ANTXR1: variants seen among roughly 807,000 people sequenced by gnomAD.
The protein encoded by ANTXR1 is anthrax toxin receptor 1.
Under a neutral mutation model 78.1 loss-of-function variants are expected in ANTXR1, and 19 were observed. That is an observed-to-expected ratio of 0.24 (90% CI 0.17 to 0.36). The LOEUF is 0.36. Among genes scored for constraint, ANTXR1 ranks in the 10% least tolerant of loss-of-function variants. The pLI, the probability that ANTXR1 is intolerant of heterozygous loss-of-function variation, is 1.00. For missense variants in ANTXR1, 518 were observed against 718.6 expected (o/e 0.72, Z 3.19); for synonymous variants, 273 against 260.5 (o/e 1.05, Z -0.46).
Position 69,245,687 on chromosome 2 carries a change from C to A in ANTXR1, c.*202C>A. ...AATTGCCAGAAAACAAATGATGAGG[C>A]AACTACAGTCAGATTTATAGCCAGC... On this transcript the variant is annotated 3_prime_UTR_variant, in exon 18 of 18. Coordinates refer to ENST00000303714, the MANE Select transcript of ANTXR1 (RefSeq NM_032208.3). 1.5e-6 allele frequency: 1 copy of A among 674,614 alleles called. No individual in the cohort carries two copies. Among genetic ancestry groups the A allele is most frequent in the Non-Finnish European group, 2.5e-6 (1 of 406,232 alleles). 41.8% of individuals were successfully genotyped at this position (674,614 alleles called of 1,614,324 possible).
Position 69,077,222 on chromosome 2 carries a change from A to G in ANTXR1, c.562-186A>G, listed in dbSNP as rs1670760071. 12 of 636,840 alleles carry G rather than the reference A, an allele frequency of 1.9e-5. No individual in the cohort carries two copies. In the South Asian group the frequency reaches 2.2e-4, roughly 12 times the overall value. The allele number at this position is 636,840 out of a possible 1,614,324, so 39.4% of individuals were successfully genotyped here. A position where few individuals can be genotyped will look rare whatever the true frequency, so the allele number is the denominator to read the frequency against. ...GGAGCCAACCCTTGGCCTGCTCCAG[A>G]GAGGCCACTGGTGAGCTTGTTATTA... is the stretch of plus-strand genomic sequence containing the variant. On this transcript the variant is annotated intron_variant, in intron 7 of 17. Transcript: ENST00000303714.
At chr2:69,091,687 A>G (rs1486295475) in intron 9 of ANTXR1, among the ~76,000 whole-genome samples, 2 of 152,194 alleles carry the variant, frequency 1.3e-5, no homozygotes, top group Non-Finnish European at 2.9e-5. Flanking sequence ...TGGCCTTTTC[A>G]CACAGTTAAT....
At chr2:69,203,741 CTCCT>C (rs1347263050) in intron 17 of ANTXR1, among the ~76,000 whole-genome samples, 3 of 151,378 alleles carry the variant, frequency 2.0e-5, no homozygotes, top group Admixed American at 6.6e-5. Context: ...ATTCCTCCTC[CTCCT>C]TATTATCACC....
intron 10 of ANTXR1, among the ~76,000 whole-genome samples, chr2:69,105,247 CAT>C (rs1671767173): frequency 6.6e-6 from 1 of 152,240 alleles, no homozygotes; most frequent in South Asian, 2.1e-4. Flanking sequence ...TAGTTGCAAA[CAT>C]ATGCACAGGC....
rs1427495997 is a variant in ANTXR1, at chr2:69,091,008, G to A, written c.703+89G>A. The A allele has an allele frequency of 3.7e-6, 5 of 1,347,422 alleles. No homozygotes were observed. In the Admixed American group the frequency reaches 8.6e-5, roughly 23 times the overall value. 83.5% of individuals were successfully genotyped at this position (1,347,422 alleles called of 1,614,324 possible). On this transcript the variant is annotated intron_variant, in intron 9 of 17. Transcript: ENST00000303714. Reference sequence around the variant, plus strand: ...TATGTACTTCATTGTTGGTGGGGTGGGAAAGAGGAACAGGAAGGGGTAGGG... The same window carrying A: ...TATGTACTTCATTGTTGGTGGGGTGAGAAAGAGGAACAGGAAGGGGTAGGG...
intron 17 of ANTXR1, among the ~76,000 whole-genome samples, chr2:69,222,857 G>A (rs1675354105): frequency 6.6e-6 from 1 of 152,236 alleles, no homozygotes; most frequent in African/African-American, 2.4e-5. Context: ...AGAACCTTCT[G>A]TGAGGTTCCA....
chr2:69,224,435 C>T (rs73937213), intron 17 of ANTXR1, among the ~76,000 whole-genome samples: 2,677 of 152,238 alleles, frequency 0.018, 108 homozygotes, highest in African/African-American at 0.062. Flanking sequence ...AATGAAGTAC[C>T]ATGTCCTGCT....
At chr2:69,043,989 GGCATT>G (rs1353653466) in intron 2 of ANTXR1, among the ~76,000 whole-genome samples, 1 of 152,148 alleles carries the variant, frequency 6.6e-6, no homozygotes, top group Non-Finnish European at 1.5e-5. Flanking sequence ...CACACAGAAC[GGCATT>G]GCATTGCTGA....
In ANTXR1 at chr2:69,245,343, C is replaced by T. The variant is rs139807657; in HGVS notation, c.1553C>T (p.Ala518Val). The T allele has an allele frequency of 6.1e-4, 946 of 1,538,722 alleles. 4 individuals are homozygous for T. The African/African-American group carries it at 9.8e-3, about 16-fold the overall frequency. The stretch of plus-strand genomic sequence containing the variant: ...CCCATCTACACTCCCCCACCTCCTG[C>T]GCCCCACTGCCCTCCCCCGCCCCCC... ...PAPIYTPPPP[A>V]PHCPPPPPSA... The change falls in exon 18 of 18, where the codon GCG (alanine) becomes GTG (valine). Residue 518 changes from alanine (A) to valine (V), a missense_variant. Ala to Val is a moderately conservative substitution (Grantham distance 64). This residue lies in a region of ANTXR1 where 192 missense variants were observed against 230.2 expected (regional missense o/e 0.83). Transcript: ENST00000303714.
chr2:69,088,072 A>C (rs934678332), intron 8 of ANTXR1, among the ~76,000 whole-genome samples: 2 of 152,224 alleles, frequency 1.3e-5, no homozygotes, highest in African/African-American at 4.8e-5. Flanking sequence ...ATTGAATCAC[A>C]GTGCTTGGCT....
chr2:69,175,417 G>A (rs1165665120), intron 14 of ANTXR1, among the ~76,000 whole-genome samples: 2 of 135,048 alleles, frequency 1.5e-5, no homozygotes, highest in African/African-American at 3.9e-5. Flanking sequence ...GACCAGCCTG[G>A]GTAACATAGG....
At chr2:69,032,716 A>C (rs1671564635) in intron 1 of ANTXR1, among the ~76,000 whole-genome samples, 1 of 152,152 alleles carries the variant, frequency 6.6e-6, no homozygotes, top group Non-Finnish European at 1.5e-5. Context: ...CCAATAGTTG[A>C]TATCAGAAAA....
chr2:69,077,489 G>C lies in ANTXR1; in HGVS notation c.642+1G>C. The C allele has an allele frequency of 6.2e-7, 1 of 1,614,082 alleles. No individual in the cohort carries two copies. ...GGCTCTGCAAGGCATCATCCACTCA[G>C]TAAGTAGAGCTCTTCCTCTGAGACT... On this transcript the variant is annotated splice_donor_variant, in intron 8 of 17. Coordinates refer to ENST00000303714, the MANE Select transcript of ANTXR1 (RefSeq NM_032208.3). LOFTEE classifies it high-confidence loss of function.
At chr2:69,227,976 G>A (rs1278473571) in intron 17 of ANTXR1, among the ~76,000 whole-genome samples, 3 of 152,224 alleles carry the variant, frequency 2.0e-5, no homozygotes, top group East Asian at 3.8e-4. Flanking sequence ...CATGTGGCCA[G>A]TGAAACTCAG....
intron 10 of ANTXR1, among the ~76,000 whole-genome samples, chr2:69,110,322 A>T (rs1029301639): frequency 6.6e-6 from 1 of 152,226 alleles, no homozygotes; most frequent in African/African-American, 2.4e-5. Context: ...AGACTTGGCC[A>T]CAAGGATATT....
At chr2:69,227,746 T>A (rs1282696034) in intron 17 of ANTXR1, among the ~76,000 whole-genome samples, 1 of 152,086 alleles carries the variant, frequency 6.6e-6, no homozygotes, top group Non-Finnish European at 1.5e-5. Context: ...ATGAAAAGGG[T>A]TAGGGTGTGC....
At chr2:69,076,648 T>C (rs1670741565) in intron 7 of ANTXR1, among the ~76,000 whole-genome samples, 1 of 152,240 alleles carries the variant, frequency 6.6e-6, no homozygotes, top group Non-Finnish European at 1.5e-5. Context: ...TAAAGATAGA[T>C]AGATGATAGA....
chr2:69,065,591 A>G (rs917456849), intron 3 of ANTXR1, among the ~76,000 whole-genome samples: 2 of 152,204 alleles, frequency 1.3e-5, no homozygotes, highest in East Asian at 1.9e-4. Context: ...AGGGAAATGA[A>G]CAAATATCTG....
rs1676014696 is a variant in ANTXR1, at chr2:69,246,072, T to C, written c.*587T>C. ...CTGGGATTTGCAGGTACATAAAAAATGTATGGCATCTTTTCCTTGCAAATT... is the reference window on the plus strand; with the variant it reads ...CTGGGATTTGCAGGTACATAAAAAACGTATGGCATCTTTTCCTTGCAAATT... On this transcript the variant is annotated 3_prime_UTR_variant, in exon 18 of 18. Coordinates refer to ENST00000303714, the MANE Select transcript of ANTXR1 (RefSeq NM_032208.3). 1 of 152,712 alleles carries C rather than the reference T, an allele frequency of 6.5e-6. No individual in the cohort carries two copies. Among genetic ancestry groups the C allele is most frequent in the Non-Finnish European group, 1.5e-5 (1 of 68,426 alleles). 9.5% of individuals were successfully genotyped at this position (152,712 alleles called of 1,614,324 possible).
Sources: gnomAD v4.1 joint callset for allele counts (sites outside exome capture counted in the v4.1 genomes callset) on GRCh38, gnomAD v4.1.1 for gene constraint, gnomAD v4.1.1 regional missense constraint, MANE v1.5 for transcripts, NCBI Gene and HGNC (gene_info 2026-07-23, HGNC 2026-07-21) for gene names.